The following OSBPL3 variants were observed in gnomAD, a reference collection of about 807,000 sequenced individuals.
OSBPL3 encodes the protein oxysterol-binding protein-related protein 3.
OSBPL3 carries 65 observed loss-of-function variants against 120.1 expected under a neutral mutation model. The observed-to-expected ratio is 0.54, with a 90% CI of 0.44 to 0.67. The LOEUF (loss-of-function observed/expected upper bound fraction) is 0.67, where lower values mean the gene tolerates loss of function less well. OSBPL3 is among the 30% of genes least tolerant of loss of function. The pLI, the probability that OSBPL3 is intolerant of heterozygous loss-of-function variation, is 0.00. For missense variants in OSBPL3, 1,004 were observed against 1,082.1 expected, an observed-to-expected ratio of 0.93 and a Z score of 1.01; for synonymous variants, 416 against 402.6, an observed-to-expected ratio of 1.03 and a Z score of -0.40.
In OSBPL3 at chr7:24,877,734, C is replaced by T. The variant is rs1324342662; in HGVS notation, c.97-5665G>A. Among the ~76,000 whole-genome samples, 1 of 152,166 alleles carries T rather than the reference C, an allele frequency of 6.6e-6. No homozygotes were observed. The highest frequency in any genetic ancestry group is 2.4e-5 in the African/African-American group (1 of 41,442). On this transcript the variant is annotated intron_variant, in intron 2 of 22. Coordinates refer to ENST00000313367, the MANE Select transcript of OSBPL3 (RefSeq NM_015550.4). This position sits in a 1 kb window ranked among gnomAD's most constrained non-coding sequence, Gnocchi z 4.8. ...CAGAAAACAAGAGGGATGTTGGTTT[C>T]TCTTGGCTAAAGGAACCAGGACTTA...
chr7:24,916,191 A>G lies in OSBPL3; in HGVS notation c.-149-23570T>C, dbSNP rs76067326. On this transcript the variant is annotated intron_variant, in intron 1 of 22. Coordinates refer to ENST00000313367, the MANE Select transcript of OSBPL3 (RefSeq NM_015550.4). The surrounding 1 kb of genome is among the most constrained non-coding windows in gnomAD (Gnocchi z 4.9). ...CTCTTATGCTACAGAATTACTTTTC[A>G]GAAGATGGACAATTTCTTTCCCTTT... Among the ~76,000 whole-genome samples, 1,375 of 152,330 alleles carry G rather than the reference A, an allele frequency of 9.0e-3. 21 individuals are homozygous for G. Among genetic ancestry groups the G allele is most frequent in the African/African-American group, 0.032 (1,312 of 41,562 alleles).
At chr7:24,888,441 T>C (rs1172401884) in intron 2 of OSBPL3, among the ~76,000 whole-genome samples, 2 of 152,248 alleles carry the variant, frequency 1.3e-5, no homozygotes, top group East Asian at 3.8e-4. Flanking sequence ...GTTAATGTTC[T>C]AATCACTATG....
Position 24,804,770 on chromosome 7 carries a change from C to T in OSBPL3, c.2445-333G>A, listed in dbSNP as rs1792821941. Among the ~76,000 whole-genome samples, 1 of 152,182 alleles carries T rather than the reference C, an allele frequency of 6.6e-6. No homozygotes were observed. Among genetic ancestry groups the T allele is most frequent in the South Asian group, 2.1e-4 (1 of 4,824 alleles). ...CCTCTGCATCCTTCTAGAGATTCTT[C>T]ATGTGTATATAAACAAATATTAACA... On this transcript the variant is annotated intron_variant, in intron 21 of 22. Transcript: ENST00000313367. The surrounding 1 kb of genome is among the most constrained non-coding windows in gnomAD (Gnocchi z 5.4).
rs747412417 is a variant in OSBPL3, at chr7:24,922,520, T to G, written c.-149-29899A>C. Among the ~76,000 whole-genome samples, 4 of 152,182 alleles carry G rather than the reference T, an allele frequency of 2.6e-5. No individual in the cohort carries two copies. Among genetic ancestry groups the G allele is most frequent in the African/African-American group, 9.7e-5 (4 of 41,446 alleles). On this transcript the variant is annotated intron_variant, in intron 1 of 22. Transcript: ENST00000313367. The surrounding 1 kb of genome is among the most constrained non-coding windows in gnomAD (Gnocchi z 4.3). ...ATGACTTTCTCATTAAACAATTAAA[T>G]ACATAAAATGCACTATGTGATTCAT...
chr7:24,829,184 C>A (rs1355037361), intron 16 of OSBPL3, among the ~76,000 whole-genome samples: 1 of 152,192 alleles, frequency 6.6e-6, no homozygotes, highest in Non-Finnish European at 1.5e-5. Context: ...TATTTTTTCA[C>A]AAGAGTGCAT....
At chr7:24,890,977 T>C (rs1434604015) in intron 2 of OSBPL3, among the ~76,000 whole-genome samples, 1 of 152,234 alleles carries the variant, frequency 6.6e-6, no homozygotes, top group African/African-American at 2.4e-5. Flanking sequence ...GCTACTTAAA[T>C]GAATCATGTT....
At chr7:24,958,475 A>T (rs1815335047) in intron 1 of OSBPL3, among the ~76,000 whole-genome samples, 1 of 152,182 alleles carries the variant, frequency 6.6e-6, no homozygotes, top group Non-Finnish European at 1.5e-5. Context: ...CATTTTGGGA[A>T]ATGCCCATTA....
chr7:24,917,011 G>GAAGGA (rs1345852311), intron 1 of OSBPL3, among the ~76,000 whole-genome samples: 1 of 151,972 alleles, frequency 6.6e-6, no homozygotes, highest in Non-Finnish European at 1.5e-5. Flanking sequence ...TAGAGAGAGG[G>GAAGGA]AAGGAAAAAG....
At chr7:24,954,050 T>C (rs571296183) in intron 1 of OSBPL3, among the ~76,000 whole-genome samples, 24 of 152,276 alleles carry the variant, frequency 1.6e-4, no homozygotes, top group Admixed American at 5.9e-4. Context: ...ATCCAAGACC[T>C]TCCTTCCTCT....
rs1802363554 is a variant in OSBPL3 at position 24,872,881 on chromosome 7, C to T, written c.97-812G>A. ...ATACTTAAAAATAAATACATCATTG[C>T]TAATCACCCCAAGATAAACCAAAAG... On this transcript the variant is annotated intron_variant, in intron 2 of 22. Transcript: ENST00000313367. This position sits in a 1 kb window ranked among gnomAD's most constrained non-coding sequence, Gnocchi z 4.1. Among the ~76,000 whole-genome samples the T allele has an allele frequency of 6.6e-6, 1 of 152,080 alleles. No individual in the cohort carries two copies. Among genetic ancestry groups the T allele is most frequent in the African/African-American group, 2.4e-5 (1 of 41,412 alleles).
chr7:24,845,069 T>C (rs1798239906), intron 12 of OSBPL3, among the ~76,000 whole-genome samples: 1 of 152,144 alleles, frequency 6.6e-6, no homozygotes, highest in Non-Finnish European at 1.5e-5. Flanking sequence ...GCTTGTATCA[T>C]GTTATTTCTC....
intron 1 of OSBPL3, among the ~76,000 whole-genome samples, chr7:24,908,931 C>T (rs1808355726): frequency 6.6e-6 from 1 of 152,238 alleles, no homozygotes; most frequent in Non-Finnish European, 1.5e-5. Flanking sequence ...GCTCCACAAA[C>T]CAAACTCGGC....
chr7:24,811,205 A>G (rs939007161), intron 19 of OSBPL3, among the ~76,000 whole-genome samples: 2 of 152,168 alleles, frequency 1.3e-5, no homozygotes, highest in Admixed American at 1.3e-4. Flanking sequence ...CTTTTTGATA[A>G]TAGCCATTCT....
rs112644838 is a variant in OSBPL3, at chr7:24,953,208, A to G, written c.-150+26678T>C. On this transcript the variant is annotated intron_variant, in intron 1 of 22. Coordinates refer to ENST00000313367, the MANE Select transcript of OSBPL3 (RefSeq NM_015550.4). This position sits in a 1 kb window ranked among gnomAD's most constrained non-coding sequence, Gnocchi z 4.3. Reference sequence around the variant, plus strand: ...TCTTAAAAGATTAAAGCCTTCACTTAAGTAGTTTTGCTTCATCACTTTAAT... The same window carrying G: ...TCTTAAAAGATTAAAGCCTTCACTTGAGTAGTTTTGCTTCATCACTTTAAT... 0.015 allele frequency among the ~76,000 whole-genome samples: 2,230 copies of G among 152,310 alleles called. 58 individuals carry two copies. The highest frequency in any genetic ancestry group is 0.051 in the African/African-American group (2,120 of 41,566).
At chr7:24,914,780 G>C (rs1001565417) in intron 1 of OSBPL3, among the ~76,000 whole-genome samples, 23 of 152,138 alleles carry the variant, frequency 1.5e-4, no homozygotes, top group Admixed American at 6.5e-4. Context: ...CATGAGATCA[G>C]CAGGGTTTTT....
intron 1 of OSBPL3, among the ~76,000 whole-genome samples, chr7:24,960,224 G>C (rs979445066): frequency 1.1e-4 from 17 of 152,086 alleles, no homozygotes; most frequent in African/African-American, 4.1e-4. Context: ...TCTGAATAGA[G>C]GGAAACTAAG....
At chr7:24,951,176 A>T (rs930899762) in intron 1 of OSBPL3, among the ~76,000 whole-genome samples, 17 of 152,226 alleles carry the variant, frequency 1.1e-4, no homozygotes, top group African/African-American at 4.1e-4. Context: ...GAAATTTGAG[A>T]TTATGGAATC....
At chr7:24,823,099 G>A (rs1160300133) in intron 16 of OSBPL3, among the ~76,000 whole-genome samples, 4 of 152,110 alleles carry the variant, frequency 2.6e-5, no homozygotes, top group East Asian at 1.9e-4. Flanking sequence ...GTCCGGGAAC[G>A]AGGGAAAGGT....
Position 24,815,551 on chromosome 7 carries a change from G to C in OSBPL3, c.2028-348C>G, listed in dbSNP as rs1165712782. 6.6e-6 allele frequency among the ~76,000 whole-genome samples: 1 copy of C among 152,190 alleles called. No homozygotes were observed. The highest frequency in any genetic ancestry group is 2.4e-5 in the African/African-American group (1 of 41,440). On this transcript the variant is annotated intron_variant, in intron 18 of 22. Transcript: ENST00000313367. The surrounding 1 kb of genome is among the most constrained non-coding windows in gnomAD (Gnocchi z 5.1). ...GTCTAATGTTGCTGAACTAGGAAAGGGAAGCTTGAGAAAGGGATGAAGGTT... is the reference window on the plus strand; with the variant it reads ...GTCTAATGTTGCTGAACTAGGAAAGCGAAGCTTGAGAAAGGGATGAAGGTT...
Sources: gnomAD v4.1 joint callset for allele counts (sites outside exome capture counted in the v4.1 genomes callset) on GRCh38, gnomAD v4.1.1 for gene constraint, Gnocchi (gnomAD v3.1) non-coding constraint, MANE v1.5 for transcripts, NCBI Gene and HGNC (gene_info 2026-07-23, HGNC 2026-07-21) for gene names.